The following DPP10 variants were observed in gnomAD, a reference collection of about 807,000 sequenced individuals.
DPP10 encodes dipeptidyl peptidase like 10, also known as inactive dipeptidyl peptidase 10.
Under a neutral mutation model 120.9 loss-of-function variants are expected in DPP10, and 33 were observed. The ratio of observed to expected loss-of-function variants is 0.27; its 90% CI spans 0.21 to 0.37. The LOEUF (loss-of-function observed/expected upper bound fraction) is 0.37. Among genes scored for constraint, DPP10 ranks in the 10% least tolerant of loss-of-function variants. The pLI is 1.00. For missense variants in DPP10, 816 were observed against 942.8 expected (o/e 0.87, Z 1.76); for synonymous variants, 337 against 326.1 (o/e 1.03, Z -0.36).
intron 1 of DPP10, among the ~76,000 whole-genome samples, chr2:114,602,778 C>T (rs555549829): frequency 6.6e-6 from 1 of 152,072 alleles, no homozygotes; most frequent in Non-Finnish European, 1.5e-5. Context: ...TCCCTATGTG[C>T]CTGGGAAACA....
chr2:115,708,126 A>C (rs1332272892), intron 7 of DPP10, among the ~76,000 whole-genome samples: 1 of 152,028 alleles, frequency 6.6e-6, no homozygotes, highest in East Asian at 1.9e-4. Context: ...AAATAGGGAA[A>C]GCAATATGTT....
In DPP10 at chr2:115,209,130, A is replaced by G. The variant is rs577664669; in HGVS notation, c.61-100109A>G. 9.9e-5 allele frequency among the ~76,000 whole-genome samples: 15 copies of G among 152,266 alleles called. No individual in the cohort carries two copies. The East Asian group carries it at 2.9e-3, about 29-fold the overall frequency. On this transcript the variant is annotated intron_variant, in intron 1 of 25. Coordinates refer to ENST00000410059, the MANE Select transcript of DPP10 (RefSeq NM_020868.6). ...GACACTATCTTAATCTCAAAAAGAT[A>G]TCCTTTGACTTGAACACCTTTCCTC...
At chr2:115,758,322 T>C (rs1679680480) in intron 11 of DPP10, among the ~76,000 whole-genome samples, 4 of 136,678 alleles carry the variant, frequency 2.9e-5, no homozygotes, top group African/African-American at 1.2e-4. Flanking sequence ...ATGTTAGTGA[T>C]ATTAAGAAAA....
At chr2:115,751,839 C>T (rs1331761229) in intron 10 of DPP10, among the ~76,000 whole-genome samples, 1 of 150,340 alleles carries the variant, frequency 6.7e-6, no homozygotes, top group Non-Finnish European at 1.5e-5. Flanking sequence ...TGCTCTGTCG[C>T]CCAGGCTGTA....
intron 1 of DPP10, among the ~76,000 whole-genome samples, chr2:114,613,595 C>T (rs2105296022): frequency 6.6e-6 from 1 of 152,212 alleles, no homozygotes; most frequent in African/African-American, 2.4e-5. Flanking sequence ...TACCATGACC[C>T]AGCAATCCCT....
At chr2:114,484,200 G>A (rs951340328) in intron 1 of DPP10, among the ~76,000 whole-genome samples, 1 of 152,130 alleles carries the variant, frequency 6.6e-6, no homozygotes, top group Non-Finnish European at 1.5e-5. Context: ...TCGAACTTGA[G>A]GTATCTCCGA....
chr2:115,407,447 T>C (rs2068599851), intron 3 of DPP10, among the ~76,000 whole-genome samples: 1 of 152,114 alleles, frequency 6.6e-6, no homozygotes, highest in Non-Finnish European at 1.5e-5. Flanking sequence ...GAAATGGCAG[T>C]CAGATCTCCC....
intron 5 of DPP10, among the ~76,000 whole-genome samples, chr2:115,574,421 T>C (rs1163908146): frequency 6.6e-6 from 1 of 152,224 alleles, no homozygotes; most frequent in Admixed American, 6.5e-5. Flanking sequence ...CTTGGTTCTC[T>C]CTACTTCAGC....
chr2:115,581,148 A>G (rs375952724), intron 5 of DPP10, among the ~76,000 whole-genome samples: 5 of 152,106 alleles, frequency 3.3e-5, no homozygotes, highest in African/African-American at 1.2e-4. Context: ...TAGAGCTTCT[A>G]TGCTCTTGGT....
At chr2:114,550,150 C>G (rs897440719) in intron 1 of DPP10, among the ~76,000 whole-genome samples, 49 of 152,164 alleles carry the variant, frequency 3.2e-4, no homozygotes, top group Non-Finnish European at 5.0e-4. Context: ...CAAGTCTTCA[C>G]CCTCAGCTTT....
Position 115,518,183 on chromosome 2 carries a change from C to A in DPP10, c.367-7715C>A, listed in dbSNP as rs541154575. Among the ~76,000 whole-genome samples the A allele has an allele frequency of 2.2e-4, 34 of 152,178 alleles. No individual in the cohort carries two copies. In the South Asian group the frequency reaches 7.1e-3, roughly 32 times the overall value. ...TGACCTAAACACCTATCATTAGAGC[C>A]CCACCTCCAACACTGGGGATCAAAT... On this transcript the variant is annotated intron_variant, in intron 4 of 25. Coordinates refer to ENST00000410059, the MANE Select transcript of DPP10 (RefSeq NM_020868.6).
Position 115,427,429 on chromosome 2 carries a change from C to T in DPP10, c.272-72081C>T, listed in dbSNP as rs543009800. ...GGTGAGGTTGCCAAACCTTCACTCT[C>T]GCAGGGTGCATGCCTACAGGCTTAA... On this transcript the variant is annotated intron_variant, in intron 3 of 25. Transcript: ENST00000410059. Among the ~76,000 whole-genome samples, 89 of 152,356 alleles carry T rather than the reference C, an allele frequency of 5.8e-4. 1 individual carries two copies. In the South Asian group the frequency reaches 0.012, roughly 21 times the overall value.
chr2:115,333,815 C>A (rs1247274438), intron 2 of DPP10, among the ~76,000 whole-genome samples: 4 of 152,068 alleles, frequency 2.6e-5, no homozygotes, highest in Non-Finnish European at 2.9e-5. Context: ...ATGGGCTTCC[C>A]TTTGTGGATA....
chr2:114,674,776 G>A (rs1368101439), intron 1 of DPP10, among the ~76,000 whole-genome samples: 2 of 152,188 alleles, frequency 1.3e-5, no homozygotes, highest in Non-Finnish European at 2.9e-5. Context: ...TGATCCCAGT[G>A]AAGTACTGCA....
rs148994354 is a variant in DPP10 at position 114,815,372 on chromosome 2, C to T, written c.60+372534C>T. Among the ~76,000 whole-genome samples, 172 of 152,248 alleles carry T rather than the reference C, an allele frequency of 1.1e-3. 3 individuals carry two copies. The highest frequency in any genetic ancestry group is 3.9e-3 in the African/African-American group (163 of 41,550). The stretch of plus-strand genomic sequence containing the variant: ...ACTAGGAAAGGTAGGAAGTGGCCCC[C>T]GTTCTCAAGGGTCCCTGTCACACAT... On this transcript the variant is annotated intron_variant, in intron 1 of 25. Coordinates refer to ENST00000410059, the MANE Select transcript of DPP10 (RefSeq NM_020868.6).
intron 1 of DPP10, among the ~76,000 whole-genome samples, chr2:114,896,555 A>G (rs1159987439): frequency 2.6e-5 from 4 of 152,042 alleles, no homozygotes; most frequent in Admixed American, 1.3e-4. Flanking sequence ...TTGGTGTATA[A>G]GAATGCTTGT....
chr2:115,466,370 A>T (rs1035341100), intron 3 of DPP10, among the ~76,000 whole-genome samples: 2 of 152,194 alleles, frequency 1.3e-5, no homozygotes, highest in African/African-American at 4.8e-5. Flanking sequence ...AATTTGAGAA[A>T]TGTTCTAATA....
chr2:115,042,964 T>A (rs1302834974), intron 1 of DPP10, among the ~76,000 whole-genome samples: 1 of 152,226 alleles, frequency 6.6e-6, no homozygotes, highest in Admixed American at 6.5e-5. Flanking sequence ...ATTTTAATAG[T>A]TTATCTCAGC....
intron 1 of DPP10, among the ~76,000 whole-genome samples, chr2:114,697,796 T>G (rs1700157532): frequency 6.6e-6 from 1 of 151,722 alleles, no homozygotes; most frequent in Admixed American, 6.6e-5. Flanking sequence ...CAGTTATTAT[T>G]ATTCTGTAGG....
Sources: gnomAD v4.1 joint callset for allele counts (sites outside exome capture counted in the v4.1 genomes callset) on GRCh38, gnomAD v4.1.1 for gene constraint, MANE v1.5 for transcripts, NCBI Gene and HGNC (gene_info 2026-07-23, HGNC 2026-07-21) for gene names.